Variants in MRTFA observed in about 807,000 individuals in gnomAD.
MRTFA encodes the protein myocardin-related transcription factor A.
A neutral mutation model predicts 83.5 loss-of-function variants in MRTFA; 20 were observed. That is an observed-to-expected ratio of 0.24 (90% confidence interval 0.17 to 0.35). MRTFA has a LOEUF of 0.35. Ranked by LOEUF, MRTFA falls within the 10% of genes least tolerant of loss-of-function variation. The probability of loss-of-function intolerance (pLI) is 1.00; values close to 1 mark genes in which losing one functional copy is unlikely to be tolerated. For missense variants in MRTFA, 1,200 were observed against 1,224.7 expected (o/e 0.98, Z 0.30); for synonymous variants, 659 against 541.2 (o/e 1.22, Z -3.02).
intron 3 of MRTFA, among the ~76,000 whole-genome samples, chr22:40,502,161 ACCCCCCCCACCTCCCTCCCGGACG>A (rs2054498233): frequency 1.2e-5 from 1 of 81,722 alleles, no homozygotes; most frequent in African/African-American, 5.1e-5. Context: ...CGGGGGGCTG[ACCCCCCCCACCTCCCTCCCGGACG>A]GGGTGGCTGC....
chr22:40,571,391 T>A (rs1192338786), intron 2 of MRTFA, among the ~76,000 whole-genome samples: 1 of 151,968 alleles, frequency 6.6e-6, no homozygotes, highest in African/African-American at 2.4e-5. Context: ...ACAAAGTACA[T>A]GGAACCAAAG....
chr22:40,498,731 T>C (rs768790805), intron 3 of MRTFA, among the ~76,000 whole-genome samples: 14 of 152,204 alleles, frequency 9.2e-5, no homozygotes, highest in South Asian at 6.2e-4. Context: ...CCTATGCAGA[T>C]CTCTACCTCT....
chr22:40,459,862 T>TATATATATACAC (rs796103400), intron 4 of MRTFA, among the ~76,000 whole-genome samples: 27 of 121,484 alleles, frequency 2.2e-4, no homozygotes, highest in African/African-American at 6.3e-4. Context: ...TATATATATA[T>TATATATATACAC]ACACACATGA....
At chr22:40,541,967 AG>A (rs2055298394) in intron 3 of MRTFA, among the ~76,000 whole-genome samples, 1 of 151,940 alleles carries the variant, frequency 6.6e-6, no homozygotes, top group South Asian at 2.1e-4. Context: ...CATCCAGCCT[AG>A]GTGATGGCTA....
intron 2 of MRTFA, among the ~76,000 whole-genome samples, chr22:40,574,065 T>A (rs964828453): frequency 6.6e-6 from 1 of 152,114 alleles, no homozygotes; most frequent in Admixed American, 6.6e-5. Flanking sequence ...ATCAGGGACA[T>A]TTGTAAGTTA....
chr22:40,531,366 G>C (rs548739485), intron 3 of MRTFA, among the ~76,000 whole-genome samples: 12 of 150,588 alleles, frequency 8.0e-5, no homozygotes, highest in East Asian at 7.8e-4. Context: ...TGGGATTACA[G>C]GTGTGAGCCA....
At chr22:40,464,779 T>C (rs1216295319) in intron 3 of MRTFA, among the ~76,000 whole-genome samples, 4 of 152,182 alleles carry the variant, frequency 2.6e-5, no homozygotes, top group African/African-American at 9.7e-5. Flanking sequence ...AAGCCAAACT[T>C]GTTTTCCTCC....
intron 12 of MRTFA, 178 bp from the exon 13 acceptor site, chr22:40,417,671 T>G: frequency 4.5e-4 from 230 of 508,486 alleles, no homozygotes; most frequent in East Asian, 9.5e-4. Flanking sequence ...GAATACAGGA[T>G]GGGGGGCCCT....
At chr22:40,621,378 T>C (rs1035464725) in intron 1 of MRTFA, among the ~76,000 whole-genome samples, 5 of 152,142 alleles carry the variant, frequency 3.3e-5, no homozygotes, top group African/African-American at 9.7e-5. Flanking sequence ...AAGACAAATA[T>C]TGTATGGTTC....
At chr22:40,514,572 T>A (rs2054725318) in intron 3 of MRTFA, among the ~76,000 whole-genome samples, 1 of 150,972 alleles carries the variant, frequency 6.6e-6, no homozygotes, top group Non-Finnish European at 1.5e-5. Context: ...CCTCCCGGGT[T>A]CAAGCAATTC....
intron 4 of MRTFA, among the ~76,000 whole-genome samples, chr22:40,453,423 A>G (rs2053530054): frequency 6.6e-6 from 1 of 152,336 alleles, no homozygotes; most frequent in East Asian, 1.9e-4. Flanking sequence ...GCCAACTGCA[A>G]GGTTTGGGGA....
chr22:40,417,039 C>G lies in MRTFA; in HGVS notation c.2525G>C (p.Gly842Ala). The stretch of plus-strand genomic sequence containing the variant: ...GTCGTCCATCTGCTGGCTTGAGGAA[C>G]CATTTTCCTGTGGGACAAAGGAAAA... The change falls in exon 14 of 15, where the codon GGT becomes GCT. Residue 842 changes from glycine (G) to alanine (A), a missense_variant. Transcript: ENST00000355630. The G allele has an allele frequency of 6.3e-7, 1 of 1,593,814 alleles. No individual in the cohort carries two copies. The highest frequency in any genetic ancestry group is 1.1e-5 in the South Asian group (1 of 87,456).
At chr22:40,542,160 C>T (rs759487351) in intron 3 of MRTFA, among the ~76,000 whole-genome samples, 1 of 152,102 alleles carries the variant, frequency 6.6e-6, no homozygotes, top group Non-Finnish European at 1.5e-5. Flanking sequence ...GGTACTCTTC[C>T]AGTTCCTTTG....
chr22:40,470,282 A>ATATAT (rs2053886396), intron 3 of MRTFA, among the ~76,000 whole-genome samples: 17 of 79,116 alleles, frequency 2.1e-4, no homozygotes, highest in Middle Eastern at 7.0e-3. Flanking sequence ...TATATATATA[A>ATATAT]AGAAACATAA....
chr22:40,561,365 C>G (rs1009920309), intron 2 of MRTFA, among the ~76,000 whole-genome samples: 34 of 151,986 alleles, frequency 2.2e-4, no homozygotes, highest in African/African-American at 8.2e-4. Flanking sequence ...GTGATGCATG[C>G]CTGTAGTCCC....
intron 2 of MRTFA, among the ~76,000 whole-genome samples, chr22:40,555,802 A>G (rs1175222909): frequency 6.6e-6 from 1 of 151,524 alleles, no homozygotes; most frequent in East Asian, 1.9e-4. Flanking sequence ...ATGCCTGGCT[A>G]AATTTTTTTG....
chr22:40,518,811 A>AAAC (rs1645607297), intron 3 of MRTFA, among the ~76,000 whole-genome samples: 4 of 148,570 alleles, frequency 2.7e-5, no homozygotes, highest in African/African-American at 9.8e-5. Flanking sequence ...AAAAAAAAAA[A>AAAC]AAAAAAAAAA....
At chr22:40,619,589 T>C (rs1253489964) in intron 1 of MRTFA, among the ~76,000 whole-genome samples, 1 of 151,988 alleles carries the variant, frequency 6.6e-6, no homozygotes, top group Non-Finnish European at 1.5e-5. Context: ...ATAGGAGAAA[T>C]GTTAAACAAA....
rs532771597 is a variant in MRTFA at position 40,589,356 on chromosome 22, A to G, written c.-22+5318T>C. Reference sequence around the variant, plus strand: ...GGCTTACTGAACATCTGTGACCAACAAAAGTGCCAAATGCCTATTTAATCC... The same window carrying G: ...GGCTTACTGAACATCTGTGACCAACGAAAGTGCCAAATGCCTATTTAATCC... On this transcript the variant is annotated intron_variant, in intron 2 of 14. Transcript: ENST00000355630. Among the ~76,000 whole-genome samples, 6 of 152,356 alleles carry G rather than the reference A, an allele frequency of 3.9e-5. No individual in the cohort carries two copies. In the East Asian group the frequency reaches 9.6e-4, roughly 24 times the overall value.
Sources: allele counts gnomAD v4.1 joint callset (sites outside exome capture counted in the v4.1 genomes callset), GRCh38; gene constraint gnomAD v4.1.1; transcripts MANE v1.5; gene names NCBI Gene and HGNC (gene_info 2026-07-23, HGNC 2026-07-21).